The following STPG2 variants were observed in gnomAD, a reference collection of about 807,000 sequenced individuals.
The protein encoded by STPG2 is sperm-tail PG-rich repeat-containing protein 2.
Under a neutral mutation model 54.2 loss-of-function variants are expected in STPG2, and 56 were observed. The ratio of observed to expected loss-of-function variants is 1.03; its 90% confidence interval spans 0.83 to 1.29. STPG2 has a LOEUF of 1.29. Among genes scored for constraint, STPG2 ranks in the 50% most tolerant of loss-of-function variants. The pLI is 0.00. For missense variants in STPG2, 596 were observed against 544.9 expected (o/e 1.09, Z -0.93); for synonymous variants, 200 against 181.8 (o/e 1.10, Z -0.81).
intron 9 of STPG2, among the ~76,000 whole-genome samples, chr4:97,802,602 C>T (rs1727433312): frequency 6.6e-6 from 1 of 151,988 alleles, no homozygotes. Flanking sequence ...TCCCAAATAG[C>T]AGGGATTACT....
At chr4:97,885,633 T>G (rs72686442) in intron 8 of STPG2, among the ~76,000 whole-genome samples, 2,077 of 152,308 alleles carry the variant, frequency 0.014, 19 homozygotes, top group Non-Finnish European at 0.02. Flanking sequence ...GGTTCATATA[T>G]ACACAGATTT....
intron 8 of STPG2, among the ~76,000 whole-genome samples, chr4:97,903,073 AAATGAGATG>A (rs1207370723): frequency 6.6e-6 from 1 of 152,190 alleles, no homozygotes; most frequent in African/African-American, 2.4e-5. Context: ...GATATCAGAA[AAATGAGATG>A]GTGGTCAAAG....
intron 9 of STPG2, among the ~76,000 whole-genome samples, chr4:97,838,604 C>T (rs997954729): frequency 6.6e-6 from 1 of 151,068 alleles, no homozygotes; most frequent in Non-Finnish European, 1.5e-5. Context: ...AAATCTTGTC[C>T]TTGATTAGAT....
At chr4:97,880,251 C>A (rs1170440432) in intron 8 of STPG2, among the ~76,000 whole-genome samples, 1 of 152,032 alleles carries the variant, frequency 6.6e-6, no homozygotes, top group Admixed American at 6.6e-5. Context: ...TAAAAAAGAT[C>A]CTTTACATTT....
chr4:97,891,855 T>C (rs1038554312), intron 8 of STPG2, among the ~76,000 whole-genome samples: 7 of 152,106 alleles, frequency 4.6e-5, no homozygotes, highest in Non-Finnish European at 7.4e-5. Flanking sequence ...ATAAATTTAA[T>C]TACAAAAGCA....
At chr4:97,780,708 G>T (rs1438143755) in intron 9 of STPG2, among the ~76,000 whole-genome samples, 1 of 150,372 alleles carries the variant, frequency 6.7e-6, no homozygotes, top group African/African-American at 2.5e-5. Context: ...AAATGTAAAA[G>T]AACAGAAATT....
intron 5 of STPG2, among the ~76,000 whole-genome samples, chr4:98,063,779 C>T (rs928005871): frequency 2.0e-5 from 3 of 152,006 alleles, no homozygotes; most frequent in Admixed American, 6.6e-5. Flanking sequence ...GTGGTTCACA[C>T]CTGTAATCCC....
At chr4:97,622,843 G>A (rs186854825) in intron 10 of STPG2, among the ~76,000 whole-genome samples, 5 of 152,222 alleles carry the variant, frequency 3.3e-5, no homozygotes, top group Admixed American at 2.0e-4. Flanking sequence ...AAACCTGGTG[G>A]CATCACATTA....
chr4:97,522,414 T>A (rs1305449471), intron 4 of STPG2, among the ~76,000 whole-genome samples: 9 of 152,050 alleles, frequency 5.9e-5, no homozygotes, highest in Admixed American at 1.3e-4. Context: ...TTTAAACTCA[T>A]AATTTCAACT....
chr4:97,568,152 C>T (rs763373512), intron 10 of STPG2, among the ~76,000 whole-genome samples: 2 of 152,038 alleles, frequency 1.3e-5, no homozygotes, highest in Non-Finnish European at 2.9e-5. Context: ...TAATGCCCAG[C>T]GTTTGAACAT....
At chr4:97,928,701 A>G (rs975136616) in intron 8 of STPG2, among the ~76,000 whole-genome samples, 2 of 152,036 alleles carry the variant, frequency 1.3e-5, no homozygotes, top group Non-Finnish European at 2.9e-5. Flanking sequence ...TATAAGGCCT[A>G]ATACTGATTT....
At chr4:97,934,288 G>A (rs1005917627) in intron 8 of STPG2, among the ~76,000 whole-genome samples, 1 of 152,038 alleles carries the variant, frequency 6.6e-6, no homozygotes, top group Admixed American at 6.6e-5. Context: ...TCTAGATATA[G>A]GATCATATTG....
chr4:98,117,898 A>G (rs1419291309), intron 3 of STPG2, among the ~76,000 whole-genome samples: 1 of 152,124 alleles, frequency 6.6e-6, no homozygotes, highest in Non-Finnish European at 1.5e-5. Context: ...TAGCTAATTT[A>G]AAAATTTTAT....
chr4:98,055,836 G>A (rs1737464408), intron 5 of STPG2, among the ~76,000 whole-genome samples: 1 of 152,112 alleles, frequency 6.6e-6, no homozygotes, highest in African/African-American at 2.4e-5. Context: ...GCCTCTCTCA[G>A]GGCCCAGCCT....
chr4:97,510,327 C>G (rs945133038), intron 4 of STPG2, among the ~76,000 whole-genome samples: 1 of 151,946 alleles, frequency 6.6e-6, no homozygotes, highest in African/African-American at 2.4e-5. Context: ...TACAACAAAC[C>G]ATTTTAATTT....
intron 5 of STPG2, among the ~76,000 whole-genome samples, chr4:98,015,273 C>T (rs1218807368): frequency 6.6e-6 from 1 of 151,854 alleles, no homozygotes; most frequent in East Asian, 1.9e-4. Flanking sequence ...AACAGGCAGC[C>T]TACAGAATGG....
At chr4:97,925,573 TAAC>T (rs1314064403) in intron 8 of STPG2, among the ~76,000 whole-genome samples, 1 of 152,106 alleles carries the variant, frequency 6.6e-6, no homozygotes, top group African/African-American at 2.4e-5. Context: ...TATAATAAGA[TAAC>T]AACAGACCAA....
At chr4:97,944,063 G>A in intron 7 of STPG2, 56 bp from the exon 8 acceptor site, 1 of 1,104,766 alleles carries the variant, frequency 9.1e-7, no homozygotes, top group South Asian at 1.3e-5. Flanking sequence ...AATACAAGAG[G>A]CACTATAAAT....
chr4:97,859,160 T>G (rs1319617032), intron 8 of STPG2, among the ~76,000 whole-genome samples: 2 of 152,230 alleles, frequency 1.3e-5, no homozygotes, highest in African/African-American at 2.4e-5. Context: ...GTTGATCTTT[T>G]TTTTCATACG....
Sources: allele counts gnomAD v4.1 joint callset (sites outside exome capture counted in the v4.1 genomes callset), GRCh38; gene constraint gnomAD v4.1.1; transcripts MANE v1.5; gene names NCBI Gene and HGNC (gene_info 2026-07-23, HGNC 2026-07-21).